The following RBFOX1 variants were observed in gnomAD, a reference collection of about 807,000 sequenced individuals.
RBFOX1 encodes RNA binding protein fox-1 homolog 1.
A neutral mutation model predicts 57.7 loss-of-function variants in RBFOX1; 8 were observed. That is an observed-to-expected ratio of 0.14 (90% CI 0.08 to 0.25). RBFOX1 has a LOEUF of 0.25. RBFOX1 is among the 10% of genes least tolerant of loss of function. The probability of loss-of-function intolerance (pLI) is 1.00; values close to 1 mark genes in which losing one functional copy is unlikely to be tolerated. For missense variants in RBFOX1, 611 were observed against 548.5 expected (o/e 1.11, Z -1.14); for synonymous variants, 326 against 222.4 (o/e 1.47, Z -4.15).
At chr16:5,494,466 A>G (rs191159804) in intron 2 of RBFOX1, among the ~76,000 whole-genome samples, 2 of 152,310 alleles carry the variant, frequency 1.3e-5, no homozygotes, top group African/African-American at 4.8e-5. Flanking sequence ...CTCTGGGGGC[A>G]TTGATGGATC....
chr16:7,554,571 A>T (rs1446714397), intron 5 of RBFOX1, among the ~76,000 whole-genome samples: 1 of 152,200 alleles, frequency 6.6e-6, no homozygotes, highest in Non-Finnish European at 1.5e-5. Context: ...AGATGTTCAA[A>T]GTCAGCTGCT....
At chr16:6,033,787 C>T (rs1182366764) in intron 1 of RBFOX1, among the ~76,000 whole-genome samples, 1 of 152,150 alleles carries the variant, frequency 6.6e-6, no homozygotes, top group Non-Finnish European at 1.5e-5. Flanking sequence ...AGGATACATT[C>T]TTAGAGGTGA....
intron 1 of RBFOX1, among the ~76,000 whole-genome samples, chr16:5,424,361 A>G (rs1305003769): frequency 1.3e-5 from 2 of 152,240 alleles, no homozygotes; most frequent in Non-Finnish European, 1.5e-5. Flanking sequence ...GTGTCTTGGA[A>G]CAAGACTGGG....
intron 2 of RBFOX1, among the ~76,000 whole-genome samples, chr16:6,379,326 A>T (rs1335026443): frequency 6.6e-6 from 1 of 152,168 alleles, no homozygotes; most frequent in African/African-American, 2.4e-5. Flanking sequence ...AAGGTGGCCC[A>T]AAATTAGGAT....
chr16:7,310,741 TC>T (rs2096287931), intron 4 of RBFOX1, among the ~76,000 whole-genome samples: 1 of 152,194 alleles, frequency 6.6e-6, no homozygotes, highest in Non-Finnish European at 1.5e-5. Flanking sequence ...GATCACACTT[TC>T]CCAGCATACG....
intron 1 of RBFOX1, among the ~76,000 whole-genome samples, chr16:6,229,930 C>G (rs1452016386): frequency 6.6e-6 from 1 of 151,762 alleles, no homozygotes; most frequent in African/African-American, 2.4e-5. Context: ...GATCCTCATC[C>G]CTTATTTTAA....
intron 2 of RBFOX1, among the ~76,000 whole-genome samples, chr16:6,444,837 TG>T (rs1409628227): frequency 6.6e-6 from 1 of 152,072 alleles, no homozygotes; most frequent in East Asian, 1.9e-4. Flanking sequence ...TCTGAAGGGC[TG>T]GGGCTTGGTT....
rs146303857 is a variant in RBFOX1 at position 6,921,364 on chromosome 16, C to G, written c.-15-130693C>G. Among the ~76,000 whole-genome samples, 322 of 152,256 alleles carry G rather than the reference C, an allele frequency of 2.1e-3. 2 individuals carry two copies. The highest frequency in any genetic ancestry group is 2.5e-3 in the Non-Finnish European group (169 of 68,022). Reference sequence around the variant, plus strand: ...GGTGGGTTGTGTTCACATTTGGAGGCTCAAATGGGGATGGATATGCTTCGA... The same window carrying G: ...GGTGGGTTGTGTTCACATTTGGAGGGTCAAATGGGGATGGATATGCTTCGA... On this transcript the variant is annotated intron_variant, in intron 3 of 15. Transcript: ENST00000550418.
At chr16:6,381,442 C>A (rs1484544698) in intron 2 of RBFOX1, among the ~76,000 whole-genome samples, 1 of 152,112 alleles carries the variant, frequency 6.6e-6, no homozygotes, top group Non-Finnish European at 1.5e-5. Flanking sequence ...TAAAATGCAA[C>A]GGGCTTGATG....
intron 3 of RBFOX1, among the ~76,000 whole-genome samples, chr16:6,747,386 G>A (rs570183494): frequency 9.3e-5 from 14 of 150,898 alleles, no homozygotes; most frequent in South Asian, 2.1e-4. Flanking sequence ...CAGACTGGGC[G>A]ACAGAGTGAG....
At chr16:5,792,016 C>G (rs1001309195) in intron 3 of RBFOX1, among the ~76,000 whole-genome samples, 1 of 152,144 alleles carries the variant, frequency 6.6e-6, no homozygotes, top group Non-Finnish European at 1.5e-5. Context: ...CGCTGGCTCT[C>G]CCCCGCAACC....
At chr16:5,812,758 C>T (rs1283378238) in intron 3 of RBFOX1, among the ~76,000 whole-genome samples, 2 of 152,138 alleles carry the variant, frequency 1.3e-5, no homozygotes, top group East Asian at 1.9e-4. Flanking sequence ...CACCACCTTG[C>T]TCGGCCCAGT....
chr16:6,132,837 A>G (rs2096639002), intron 1 of RBFOX1, among the ~76,000 whole-genome samples: 1 of 151,936 alleles, frequency 6.6e-6, no homozygotes, highest in African/African-American at 2.4e-5. Context: ...AAATACCAAA[A>G]TTAGCTGGGC....
intron 3 of RBFOX1, among the ~76,000 whole-genome samples, chr16:7,004,919 C>T (rs934391459): frequency 6.6e-6 from 1 of 151,980 alleles, no homozygotes. Flanking sequence ...TAAGGTGGGC[C>T]GATCACTTGA....
At chr16:6,288,027 T>C (rs1361266919) in intron 1 of RBFOX1, among the ~76,000 whole-genome samples, 1 of 152,128 alleles carries the variant, frequency 6.6e-6, no homozygotes, top group Non-Finnish European at 1.5e-5. Flanking sequence ...CAAGCATCTG[T>C]AAGGCACCTG....
intron 2 of RBFOX1, among the ~76,000 whole-genome samples, chr16:6,566,140 G>C (rs1476437001): frequency 6.6e-6 from 1 of 152,180 alleles, no homozygotes; most frequent in Non-Finnish European, 1.5e-5. Flanking sequence ...GCTAAAACAA[G>C]ACATTCAGCT....
intron 3 of RBFOX1, among the ~76,000 whole-genome samples, chr16:6,871,366 A>C (rs764989985): frequency 5.9e-5 from 9 of 152,058 alleles, no homozygotes; most frequent in Non-Finnish European, 1.3e-4. Context: ...TTGTATTTTT[A>C]GTAGACATAG....
intron 3 of RBFOX1, among the ~76,000 whole-genome samples, chr16:6,759,182 G>A (rs1161211084): frequency 2.7e-5 from 4 of 146,636 alleles, no homozygotes; most frequent in Admixed American, 1.4e-4. Context: ...ACAGAGTCTC[G>A]CTCTGTTGCC....
In RBFOX1 at chr16:7,534,046, T is replaced by A. The variant is rs1159655200; in HGVS notation, c.270+15657T>A. The stretch of plus-strand genomic sequence containing the variant: ...GGAAGTGATAGACATGGAACTCAGA[T>A]CCAGCCCTGATTCATGTCAAAGGTC... On this transcript the variant is annotated intron_variant, in intron 5 of 15. Coordinates refer to ENST00000550418, the MANE Select transcript of RBFOX1 (RefSeq NM_018723.4). Among the ~76,000 whole-genome samples, 5 of 151,624 alleles carry A rather than the reference T, an allele frequency of 3.3e-5. No individual in the cohort carries two copies. In the East Asian group the frequency reaches 9.7e-4, roughly 29 times the overall value.
Sources: allele counts gnomAD v4.1 joint callset (sites outside exome capture counted in the v4.1 genomes callset), GRCh38; gene constraint gnomAD v4.1.1; transcripts MANE v1.5; gene names NCBI Gene and HGNC (gene_info 2026-07-23, HGNC 2026-07-21).